Variants in NLGN1 observed in about 807,000 individuals in gnomAD.
NLGN1 encodes the protein neuroligin-1.
NLGN1 carries 12 observed loss-of-function variants against 65.5 expected under a neutral mutation model. The observed-to-expected ratio is 0.18, with a 90% CI of 0.12 to 0.30. The LOEUF is 0.30. Among genes scored for constraint, NLGN1 ranks in the 10% least tolerant of loss-of-function variants. NLGN1 has a pLI of 1.00. For missense variants in NLGN1, 750 were observed against 1,007.1 expected, an observed-to-expected ratio of 0.74 and a Z score of 3.46; for synonymous variants, 350 against 359.5, an observed-to-expected ratio of 0.97 and a Z score of 0.30.
intron 1 of NLGN1, among the ~76,000 whole-genome samples, chr3:173,430,686 C>A (rs1717015705): frequency 6.6e-6 from 1 of 152,206 alleles, no homozygotes. Flanking sequence ...GGGATATGCC[C>A]TCATGGCTTA....
At chr3:173,796,341 G>T (rs1159236192) in intron 3 of NLGN1, among the ~76,000 whole-genome samples, 2 of 152,142 alleles carry the variant, frequency 1.3e-5, no homozygotes, top group East Asian at 3.9e-4. Context: ...AAAATAAAAG[G>T]CTCTGGTCGG....
chr3:174,094,570 A>G (rs183008420), intron 4 of NLGN1, among the ~76,000 whole-genome samples: 70 of 152,156 alleles, frequency 4.6e-4, no homozygotes, highest in Admixed American at 2.7e-3. Flanking sequence ...TTATCATTAC[A>G]AAAACTACAA....
At chr3:174,200,305 A>G (rs1404098197) in intron 4 of NLGN1, among the ~76,000 whole-genome samples, 1 of 152,202 alleles carries the variant, frequency 6.6e-6, no homozygotes, top group East Asian at 1.9e-4. Context: ...ATGGCTCAGA[A>G]TATTAGCTAT....
At chr3:173,468,872 A>G (rs541088623) in intron 2 of NLGN1, among the ~76,000 whole-genome samples, 61 of 152,240 alleles carry the variant, frequency 4.0e-4, no homozygotes, top group Admixed American at 3.3e-4. Context: ...ACTGCAATGG[A>G]ATTAAAAGCC....
At chr3:173,599,037 G>A (rs1023875250) in intron 2 of NLGN1, among the ~76,000 whole-genome samples, 3 of 152,148 alleles carry the variant, frequency 2.0e-5, no homozygotes, top group Admixed American at 2.0e-4. Context: ...GTGACCAACA[G>A]TGTTTGTCCA....
chr3:173,701,239 T>TA (rs1767121075), intron 3 of NLGN1, among the ~76,000 whole-genome samples: 1 of 152,194 alleles, frequency 6.6e-6, no homozygotes, highest in African/African-American at 2.4e-5. Flanking sequence ...TCTGTGAACA[T>TA]ATTAGCCTGC....
At chr3:174,264,995 G>T (rs556556519) in intron 4 of NLGN1, among the ~76,000 whole-genome samples, 2 of 152,258 alleles carry the variant, frequency 1.3e-5, no homozygotes, top group Admixed American at 6.5e-5. Flanking sequence ...TAGGCTGCTC[G>T]GGGGTCAGGG....
chr3:174,015,304 C>T (rs934482215), intron 4 of NLGN1, among the ~76,000 whole-genome samples: 2 of 152,114 alleles, frequency 1.3e-5, no homozygotes, highest in Admixed American at 1.3e-4. Context: ...ATTTATTTCT[C>T]ACAGTTCTGG....
At chr3:174,208,177 A>T (rs2152785972) in intron 4 of NLGN1, among the ~76,000 whole-genome samples, 1 of 152,328 alleles carries the variant, frequency 6.6e-6, no homozygotes, top group South Asian at 2.1e-4. Flanking sequence ...GTGACCACCC[A>T]AATCAAAGCA....
Position 173,917,767 on chromosome 3 carries a change from C to A in NLGN1, c.646+109935C>A, listed in dbSNP as rs1314476648. Among the ~76,000 whole-genome samples the A allele has an allele frequency of 3.9e-5, 6 of 151,966 alleles. No individual in the cohort carries two copies. The East Asian group carries it at 1.2e-3, about 29-fold the overall frequency. The stretch of plus-strand genomic sequence containing the variant: ...AACTGCCTCCACCTGATTGAGAATT[C>A]TCATATCCATGACACGATGAAATAT... On this transcript the variant is annotated intron_variant, in intron 4 of 6. Coordinates refer to ENST00000457714, the Ensembl canonical transcript of NLGN1.
rs181860956 is a variant in NLGN1 at position 173,689,718 on chromosome 3, C to T, written c.493+84627C>T. ...ATTTTTCATTCTATCTGTAACGAAT[C>T]CAGATCCTCCCACTCTACCTTGCCC... On this transcript the variant is annotated intron_variant, in intron 3 of 6. Transcript: ENST00000457714. 1.7e-4 allele frequency among the ~76,000 whole-genome samples: 26 copies of T among 152,216 alleles called. No individual in the cohort carries two copies. In the East Asian group the frequency reaches 4.8e-3, roughly 28 times the overall value.
chr3:174,244,698 T>C (rs992023067), intron 4 of NLGN1, among the ~76,000 whole-genome samples: 2 of 152,108 alleles, frequency 1.3e-5, no homozygotes, highest in African/African-American at 4.8e-5. Flanking sequence ...GTATATTGAG[T>C]CTTTTAAAAG....
intron 1 of NLGN1, among the ~76,000 whole-genome samples, chr3:173,426,517 G>A (rs1047953331): frequency 9.2e-5 from 14 of 151,890 alleles, no homozygotes; most frequent in Admixed American, 9.2e-4. Flanking sequence ...TTCTATATTT[G>A]TTGAGAGTTT....
In NLGN1 at chr3:173,524,518, T is replaced by G. The variant is rs756774456; in HGVS notation, c.-320-79761T>G. On this transcript the variant is annotated intron_variant, in intron 2 of 6. Coordinates refer to ENST00000457714, the Ensembl canonical transcript of NLGN1. ...AATCATGTTATCAGCAAACAGAGAT[T>G]ACTTGGCTTCTCTTTTCTAATCAGG... Among the ~76,000 whole-genome samples the G allele has an allele frequency of 6.6e-5, 10 of 152,286 alleles. No individual in the cohort carries two copies. The South Asian group carries it at 1.2e-3, about 19-fold the overall frequency.
chr3:174,195,431 AGAGTT>A (rs1386276132), intron 4 of NLGN1, among the ~76,000 whole-genome samples: 1 of 152,232 alleles, frequency 6.6e-6, no homozygotes, highest in Non-Finnish European at 1.5e-5. Context: ...TGAATAATGA[AGAGTT>A]TATTAACTAC....
At chr3:174,276,820 A>G (rs889776516) in intron 5 of NLGN1, among the ~76,000 whole-genome samples, 1 of 151,952 alleles carries the variant, frequency 6.6e-6, no homozygotes, top group African/African-American at 2.4e-5. Context: ...TTGAAATAAT[A>G]AACTTAGTGT....
At chr3:173,626,783 G>T (rs987323613) in intron 3 of NLGN1, among the ~76,000 whole-genome samples, 2 of 151,914 alleles carry the variant, frequency 1.3e-5, no homozygotes, top group Non-Finnish European at 2.9e-5. Context: ...TTACAAACTT[G>T]TCACACCTTT....
chr3:173,941,673 TA>T (rs1163490833), intron 4 of NLGN1, among the ~76,000 whole-genome samples: 2 of 152,036 alleles, frequency 1.3e-5, no homozygotes, highest in African/African-American at 4.8e-5. Flanking sequence ...ATAGATCAAT[TA>T]AAAATATGTA....
At chr3:173,961,131 T>C (rs1234309805) in intron 4 of NLGN1, among the ~76,000 whole-genome samples, 1 of 152,136 alleles carries the variant, frequency 6.6e-6, no homozygotes, top group African/African-American at 2.4e-5. Context: ...CTATTTCCTA[T>C]GTATACTTTA....
Sources: allele counts gnomAD v4.1 joint callset (sites outside exome capture counted in the v4.1 genomes callset), GRCh38; gene constraint gnomAD v4.1.1; transcripts MANE v1.5; gene names NCBI Gene and HGNC (gene_info 2026-07-23, HGNC 2026-07-21).